The following MEGF11 variants were observed in gnomAD, a reference collection of about 807,000 sequenced individuals.
The protein encoded by MEGF11 is multiple EGF like domains 11, also known as multiple epidermal growth factor-like domains protein 11.
MEGF11 carries 126 observed loss-of-function variants against 146.6 expected under a neutral mutation model. The observed-to-expected ratio is 0.86, with a 90% confidence interval of 0.74 to 1.00. The LOEUF (loss-of-function observed/expected upper bound fraction) is 1.00, where lower values mean the gene tolerates loss of function less well. MEGF11 is among the 50% of genes least tolerant of loss of function. MEGF11 has a pLI of 0.00. For synonymous variants in MEGF11, 532 were observed against 583.4 expected (o/e 0.91, Z 1.27); for missense variants, 1,509 against 1,521.2 (o/e 0.99, Z 0.13).
At chr15:65,969,849 A>G (rs934186208) in intron 8 of MEGF11, among the ~76,000 whole-genome samples, 1 of 152,094 alleles carries the variant, frequency 6.6e-6, no homozygotes, top group African/African-American at 2.4e-5. Flanking sequence ...TGTGGTCAAG[A>G]GTGAGAGGGA....
chr15:66,252,599 G>T (rs1160849637), intron 1 of MEGF11, among the ~76,000 whole-genome samples: 1 of 152,188 alleles, frequency 6.6e-6, no homozygotes, highest in Non-Finnish European at 1.5e-5. Context: ...GGGGCTCTGG[G>T]CACCGCCACG....
intron 1 of MEGF11, among the ~76,000 whole-genome samples, chr15:66,244,077 T>C (rs1350397047): frequency 6.6e-6 from 1 of 152,214 alleles, no homozygotes; most frequent in African/African-American, 2.4e-5. Context: ...GACAATAACC[T>C]GCTCTACAAA....
chr15:65,900,106 T>C (rs1007168521), intron 24 of MEGF11, among the ~76,000 whole-genome samples: 1 of 152,084 alleles, frequency 6.6e-6, no homozygotes, highest in African/African-American at 2.4e-5. Context: ...GCTCTGACCT[T>C]CTTCTGTGAA....
At chr15:66,132,417 G>A (rs1490003159) in intron 1 of MEGF11, among the ~76,000 whole-genome samples, 1 of 152,224 alleles carries the variant, frequency 6.6e-6, no homozygotes, top group Non-Finnish European at 1.5e-5. Flanking sequence ...CCTCCTGACT[G>A]TGCCTAAATC....
chr15:65,941,503 T>C (rs554648320), intron 10 of MEGF11, among the ~76,000 whole-genome samples: 31 of 152,134 alleles, frequency 2.0e-4, no homozygotes, highest in Non-Finnish European at 4.0e-4. Context: ...AAAGGTGTTT[T>C]AGATCAAGTT....
chr15:66,177,683 CTTTTTTT>C (rs58849037), intron 1 of MEGF11, among the ~76,000 whole-genome samples: 1 of 142,186 alleles, frequency 7.0e-6, no homozygotes, highest in Non-Finnish European at 1.5e-5. Flanking sequence ...CCTTTTTCTT[CTTTTTTT>C]TTTTTTTTCT....
At chr15:65,967,845 G>A (rs568260259) in intron 8 of MEGF11, among the ~76,000 whole-genome samples, 2 of 152,214 alleles carry the variant, frequency 1.3e-5, no homozygotes, top group Admixed American at 1.3e-4. Context: ...GGGGCAGCAG[G>A]GATCATGATG....
At chr15:65,935,649 A>C (rs139385093) in intron 10 of MEGF11, among the ~76,000 whole-genome samples, 2 of 152,196 alleles carry the variant, frequency 1.3e-5, no homozygotes. Flanking sequence ...CTAATAGCAA[A>C]AAGTCCAAAT....
chr15:66,243,599 T>A (rs62011687), intron 1 of MEGF11, among the ~76,000 whole-genome samples: 2,465 of 152,336 alleles, frequency 0.016, 35 homozygotes, highest in Non-Finnish European at 0.024. Context: ...TTTTAGGGCC[T>A]CAGACTCCCT....
chr15:65,932,637 A>G (rs1475620956), intron 10 of MEGF11, among the ~76,000 whole-genome samples: 2 of 151,980 alleles, frequency 1.3e-5, no homozygotes, highest in Non-Finnish European at 2.9e-5. Flanking sequence ...GGAGTGAAGG[A>G]GATAGGTAAA....
intron 1 of MEGF11, among the ~76,000 whole-genome samples, chr15:66,135,732 A>C (rs572427117): frequency 6.6e-6 from 1 of 152,248 alleles, no homozygotes; most frequent in East Asian, 1.9e-4. Context: ...TCACAAGCTC[A>C]TCCAGTCTCC....
chr15:66,067,782 G>A (rs548986627), intron 5 of MEGF11, among the ~76,000 whole-genome samples: 2 of 152,326 alleles, frequency 1.3e-5, no homozygotes, highest in Middle Eastern at 6.8e-3. Flanking sequence ...TTGCCTGTCA[G>A]GTCATTACTG....
chr15:66,224,783 A>G (rs984649545), intron 1 of MEGF11, among the ~76,000 whole-genome samples: 2 of 150,182 alleles, frequency 1.3e-5, no homozygotes, highest in African/African-American at 4.9e-5. Context: ...CTGTCATAGC[A>G]TAAGTGCTAT....
At chr15:66,195,303 A>C (rs966230572) in intron 1 of MEGF11, among the ~76,000 whole-genome samples, 1 of 152,208 alleles carries the variant, frequency 6.6e-6, no homozygotes, top group African/African-American at 2.4e-5. Context: ...CAACATCTGA[A>C]GTTTTGAGGG....
At chr15:66,212,103 G>A (rs913363522) in intron 1 of MEGF11, among the ~76,000 whole-genome samples, 13 of 27,702 alleles carry the variant, frequency 4.7e-4, no homozygotes, top group Admixed American at 1.2e-3. Context: ...CCAGTCTCCC[G>A]CAGGGCCTCC....
rs749974533 is a variant in MEGF11, at chr15:65,982,521, C to T, written c.395-33G>A. ...AGACGGGACAGTCAGGGATCAGGAG[C>T]CCCGAAGGCTCTCCTTGGGGCAGGG... is the stretch of plus-strand genomic sequence containing the variant. On this transcript the variant is annotated intron_variant, in intron 5 of 25. Transcript: ENST00000395614. This position sits in a 1 kb window ranked among gnomAD's most constrained non-coding sequence, Gnocchi z 5.6. The T allele has an allele frequency of 1.4e-6, 2 of 1,445,194 alleles. No homozygotes were observed. Among genetic ancestry groups the T allele is most frequent in the East Asian group, 5.1e-5 (2 of 39,104 alleles). The allele number at this position is 1,445,194 out of a possible 1,614,324, so 89.5% of individuals were successfully genotyped here.
intron 10 of MEGF11, among the ~76,000 whole-genome samples, chr15:65,951,472 A>T (rs1301606554): frequency 1.3e-5 from 2 of 152,200 alleles, no homozygotes; most frequent in African/African-American, 4.8e-5. Flanking sequence ...AGATGACATG[A>T]GGTCAGGAGT....
intron 5 of MEGF11, among the ~76,000 whole-genome samples, chr15:66,024,989 C>T (rs552602192): frequency 6.6e-6 from 1 of 152,112 alleles, no homozygotes; most frequent in Non-Finnish European, 1.5e-5. Context: ...GAGCCTCCCC[C>T]ACCCCTGTTA....
intron 1 of MEGF11, among the ~76,000 whole-genome samples, chr15:66,215,835 G>T (rs545328105): frequency 1.3e-5 from 2 of 152,292 alleles, no homozygotes; most frequent in South Asian, 4.1e-4. Flanking sequence ...ACTAGGAATG[G>T]CTCCACATTG....
Sources: gnomAD v4.1 joint callset for allele counts (sites outside exome capture counted in the v4.1 genomes callset) on GRCh38, gnomAD v4.1.1 for gene constraint, Gnocchi (gnomAD v3.1) non-coding constraint, MANE v1.5 for transcripts, NCBI Gene and HGNC (gene_info 2026-07-23, HGNC 2026-07-21) for gene names.